SNIP1: variants seen among roughly 807,000 people sequenced by gnomAD.
SNIP1 encodes Smad nuclear interacting protein 1.
In SNIP1, 23 loss-of-function variants were observed where a neutral mutation model predicts 37.4. The observed-to-expected ratio is 0.61, with a 90% confidence interval of 0.44 to 0.87. The LOEUF (loss-of-function observed/expected upper bound fraction) is 0.87. SNIP1 is among the 40% of genes least tolerant of loss of function. The probability of loss-of-function intolerance (pLI) is 0.00; values close to 1 mark genes in which losing one functional copy is unlikely to be tolerated. For missense variants in SNIP1, 459 were observed against 540.4 expected, an observed-to-expected ratio of 0.85 and a Z score of 1.49; for synonymous variants, 174 against 200.0, an observed-to-expected ratio of 0.87 and a Z score of 1.10.
rs72027037 is a variant in SNIP1, at chr1:37,535,064, C to CA, written c.*2683dup. On this transcript the variant is annotated 3_prime_UTR_variant, in exon 4 of 4. Transcript: ENST00000296215. The stretch of plus-strand genomic sequence containing the variant: ...AGAAAGGGGTAAGGGAAAACAAGAC[C>CA]AAAAAAAAAAAAAAACACCTTCTCA... 0.099 allele frequency: 9,202 copies of CA among 93,050 alleles called. 337 individuals carry two copies. The highest frequency in any genetic ancestry group is 0.18 in the South Asian group (538 of 3,034). The allele number at this position is 93,050 out of a possible 1,614,324, so 5.8% of individuals were successfully genotyped here.
chr1:37,547,769 T>C (rs1157234848), intron 2 of SNIP1, among the ~76,000 whole-genome samples: 2 of 150,842 alleles, frequency 1.3e-5, no homozygotes, highest in African/African-American at 2.4e-5. Flanking sequence ...AAACACAAAA[T>C]GGTGGTTCAG....
At chr1:37,544,973 C>T in intron 2 of SNIP1, 1 of 780,208 alleles carries the variant, frequency 1.3e-6, no homozygotes, top group South Asian at 1.3e-5. Context: ...GCTGCAGAAC[C>T]AATGAGGTGG....
At chr1:37,544,726 G>A (rs887015246) in intron 2 of SNIP1, 18 of 636,996 alleles carry the variant, frequency 2.8e-5, no homozygotes, top group African/African-American at 1.3e-4. Context: ...CTCCAGCGCC[G>A]TGCAGCCACC....
intron 2 of SNIP1, among the ~76,000 whole-genome samples, chr1:37,543,760 A>G (rs1477214860): frequency 2.0e-5 from 3 of 151,822 alleles, no homozygotes; most frequent in Non-Finnish European, 4.4e-5. Flanking sequence ...AAAAGATTTG[A>G]GCCCTAAGCA....
chr1:37,544,718 C>A, intron 2 of SNIP1: 1 of 626,538 alleles, frequency 1.6e-6, no homozygotes, highest in Non-Finnish European at 3.0e-6. Flanking sequence ...CGCCGCCACT[C>A]CAGCGCCGTG....
At position 37,554,055 on chromosome 1, in the gene SNIP1, C is replaced by T; in HGVS notation, c.175G>A (p.Glu59Lys). Residue 59 changes from glutamate to lysine, a missense_variant, in exon 1 of 4, where the codon GAG becomes AAG. Physicochemically the swap from Glu to Lys is moderately conservative, Grantham distance 56 (BLOSUM62 1). Transcript: ENST00000296215. ...CCGCGGTGGCCCGAGCGGGCCGGCTCGCTGGTCGGCGGAGACGGGCTACCA... is the reference window on the plus strand; with the variant it reads ...CCGCGGTGGCCCGAGCGGGCCGGCTTGCTGGTCGGCGGAGACGGGCTACCA... ...SGGSPSPPTS[E>K]PARSGHRGNR... The T allele has an allele frequency of 3.1e-6, 5 of 1,591,980 alleles. No individual in the cohort carries two copies. The highest frequency in any genetic ancestry group is 3.4e-6 in the Non-Finnish European group (4 of 1,170,408).
chr1:37,545,217 C>G (rs989285776), intron 2 of SNIP1: 1 of 674,060 alleles, frequency 1.5e-6, no homozygotes, highest in Admixed American at 1.8e-5. Context: ...GACCAACTTG[C>G]GCAAGATGAG....
chr1:37,548,077 C>T (rs1336146780), intron 2 of SNIP1, among the ~76,000 whole-genome samples: 2 of 144,564 alleles, frequency 1.4e-5, no homozygotes, highest in African/African-American at 2.7e-5. Flanking sequence ...GCGTGAACCC[C>T]GGGAGGCGGA....
intron 2 of SNIP1, among the ~76,000 whole-genome samples, chr1:37,543,911 G>GGC (rs1557626123): frequency 6.6e-6 from 1 of 151,002 alleles, no homozygotes; most frequent in African/African-American, 2.4e-5. Context: ...GAGGGCAAGG[G>GGC]GGGGGGCAGG....
intron 3 of SNIP1, among the ~76,000 whole-genome samples, chr1:37,539,021 G>A (rs914885200): frequency 3.3e-5 from 5 of 152,048 alleles, no homozygotes; most frequent in Admixed American, 1.3e-4. Context: ...TAGGTTGCGC[G>A]CTCCTTACGA....
At chr1:37,547,678 G>A (rs1366938729) in intron 2 of SNIP1, among the ~76,000 whole-genome samples, 2 of 151,946 alleles carry the variant, frequency 1.3e-5, no homozygotes, top group Non-Finnish European at 2.9e-5. Context: ...AGATTGCAGT[G>A]AGCCAAGATC....
At position 37,537,301 on chromosome 1, in the gene SNIP1, A is replaced by G. The variant is rs1439253333; in HGVS notation, c.*447T>C. 2.5e-5 allele frequency: 4 copies of G among 157,194 alleles called. No homozygotes were observed. Among genetic ancestry groups the G allele is most frequent in the Non-Finnish European group, 5.6e-5 (4 of 71,012 alleles). The allele number at this position is 157,194 out of a possible 1,614,324, so 9.7% of individuals were successfully genotyped here. Reference sequence around the variant, plus strand: ...TTTTGGTGATAACCAAAGCCTAGTAAGATTCTCTGCTCAGGGGTTCGCCCC... The same window carrying G: ...TTTTGGTGATAACCAAAGCCTAGTAGGATTCTCTGCTCAGGGGTTCGCCCC... On this transcript the variant is annotated 3_prime_UTR_variant, in exon 4 of 4. Transcript: ENST00000296215.
intron 1 of SNIP1, among the ~76,000 whole-genome samples, chr1:37,553,767 G>A (rs1223483579): frequency 6.6e-6 from 1 of 152,112 alleles, no homozygotes; most frequent in African/African-American, 2.4e-5. Flanking sequence ...GAAGTGCTAG[G>A]AACACAAGAA....
Position 37,540,766 on chromosome 1 carries a change from A to T in SNIP1, c.328-11T>A. 6.4e-7 allele frequency: 1 copy of T among 1,570,576 alleles called. No homozygotes were observed. Among genetic ancestry groups the T allele is most frequent in the Non-Finnish European group, 8.6e-7 (1 of 1,157,236 alleles). On this transcript the variant is annotated splice_polypyrimidine_tract_variant and intron_variant, in intron 2 of 3. Transcript: ENST00000296215. This position sits in a 1 kb window ranked among gnomAD's most constrained non-coding sequence, Gnocchi z 5.6. ...ATGATCCTCACGCTCCTAAAATTCAAACAGATTCTGTAATTTAAACGCAGT... is the reference window on the plus strand; with the variant it reads ...ATGATCCTCACGCTCCTAAAATTCATACAGATTCTGTAATTTAAACGCAGT...
chr1:37,552,754 A>C lies in SNIP1; in HGVS notation c.225-7T>G, dbSNP rs1035501540. 2 of 1,610,462 alleles carry C rather than the reference A, an allele frequency of 1.2e-6. No individual in the cohort carries two copies. The highest frequency in any genetic ancestry group is 2.7e-5 in the African/African-American group (2 of 74,816). On this transcript the variant is annotated splice_region_variant and splice_polypyrimidine_tract_variant and intron_variant, in intron 1 of 3. Coordinates refer to ENST00000296215, the MANE Select transcript of SNIP1 (RefSeq NM_024700.4). ...TTTCTTTTTGGGTGGGGACCTATTCAGAGCATGGTACACAGGATTTTATCG... is the reference window on the plus strand; with the variant it reads ...TTTCTTTTTGGGTGGGGACCTATTCCGAGCATGGTACACAGGATTTTATCG...
rs558057959 is a variant in SNIP1 at position 37,546,945 on chromosome 1, C to A, written c.327+5700G>T. ...TCTAATGGCTTCAAGTTACCAGATT[C>A]TCTTGCTTCTCTTTCTTTCCAGTCT... On this transcript the variant is annotated intron_variant, in intron 2 of 3. Transcript: ENST00000296215. Among the ~76,000 whole-genome samples, 11 of 152,326 alleles carry A rather than the reference C, an allele frequency of 7.2e-5. No individual in the cohort carries two copies. The South Asian group carries it at 2.3e-3, about 32-fold the overall frequency.
Position 37,535,239 on chromosome 1 carries a change from T to TAA in SNIP1, c.*2507_*2508dup, listed in dbSNP as rs1553165374. ...AAATAAAAAATAAAAATTATATATA[T>TAA]AAATTAGCCAGGCTTGGTGACAGGT... On this transcript the variant is annotated 3_prime_UTR_variant, in exon 4 of 4. Coordinates refer to ENST00000296215, the MANE Select transcript of SNIP1 (RefSeq NM_024700.4). 1.8e-5 allele frequency: 2 copies of TAA among 108,648 alleles called. No individual in the cohort carries two copies. Among genetic ancestry groups the TAA allele is most frequent in the African/African-American group, 7.9e-5 (2 of 25,384 alleles). The allele number at this position is 108,648 out of a possible 1,614,324, so 6.7% of individuals were successfully genotyped here. A position where few individuals can be genotyped will look rare whatever the true frequency, so the allele number is the denominator to read the frequency against.
chr1:37,551,224 C>G (rs1288362625), intron 2 of SNIP1, among the ~76,000 whole-genome samples: 1 of 148,780 alleles, frequency 6.7e-6, no homozygotes, highest in Non-Finnish European at 1.5e-5. Flanking sequence ...GAGCCGAGAT[C>G]GTGCCACTGC....
intron 2 of SNIP1, 197 bp downstream of exon 2, chr1:37,552,448 A>T: frequency 1.8e-6 from 1 of 565,668 alleles, no homozygotes; most frequent in Non-Finnish European, 3.2e-6. Context: ...TCAAAATAAA[A>T]AGTTTAATTT....
Sources: allele counts gnomAD v4.1 joint callset (sites outside exome capture counted in the v4.1 genomes callset), GRCh38; gene constraint gnomAD v4.1.1; non-coding constraint Gnocchi (gnomAD v3.1); transcripts MANE v1.5; gene names NCBI Gene and HGNC (gene_info 2026-07-23, HGNC 2026-07-21).